The following CNBD1 variants were observed in gnomAD, a reference collection of about 807,000 sequenced individuals.
CNBD1 encodes cyclic nucleotide binding domain containing 1, also known as cyclic nucleotide-binding domain-containing protein 1.
A neutral mutation model predicts 54.4 loss-of-function variants in CNBD1; 71 were observed. The ratio of observed to expected loss-of-function variants is 1.30; its 90% confidence interval spans 1.08 to 1.59. CNBD1 has a LOEUF of 1.59. Among genes scored for constraint, CNBD1 ranks in the 40% most tolerant of loss-of-function variants. The probability of loss-of-function intolerance (pLI) is 0.00; values close to 1 mark genes in which losing one functional copy is unlikely to be tolerated. For missense variants in CNBD1, 659 were observed against 518.0 expected, an observed-to-expected ratio of 1.27 and a Z score of -2.64; for synonymous variants, 182 against 170.7, an observed-to-expected ratio of 1.07 and a Z score of -0.51.
chr8:87,113,088 C>A (rs2943179), intron 4 of CNBD1, among the ~76,000 whole-genome samples: 1 of 152,002 alleles, frequency 6.6e-6, no homozygotes, highest in South Asian at 2.1e-4. Flanking sequence ...ATCTGGGCAT[C>A]GGTCAGTCAT....
chr8:87,129,092 G>GAAAAAAAAAAAAAAAAAAAAAAAAA (rs1554558009), intron 4 of CNBD1, among the ~76,000 whole-genome samples: 1 of 92,734 alleles, frequency 1.1e-5, no homozygotes, highest in Admixed American at 1.4e-4. Context: ...AAAAAAAAAA[G>GAAAAAAAAAAAAAAAAAAAAAAAAA]AATTTTGCTA....
intron 2 of CNBD1, among the ~76,000 whole-genome samples, chr8:86,895,733 C>G (rs1036315224): frequency 6.6e-6 from 1 of 152,100 alleles, no homozygotes; most frequent in Non-Finnish European, 1.5e-5. Context: ...TAATTTCCAC[C>G]TGTATGTCTT....
chr8:87,308,635 G>T (rs1296539574), intron 8 of CNBD1, among the ~76,000 whole-genome samples: 3 of 152,080 alleles, frequency 2.0e-5, no homozygotes, highest in South Asian at 4.1e-4. Flanking sequence ...GAAATATACA[G>T]TATATTGTTG....
intron 4 of CNBD1, among the ~76,000 whole-genome samples, chr8:87,066,425 T>G (rs1000817591): frequency 6.6e-6 from 1 of 151,972 alleles, no homozygotes; most frequent in Non-Finnish European, 1.5e-5. Context: ...GCCACCTTAT[T>G]AATTTTGAAG....
chr8:87,219,931 A>G (rs1014783178), intron 5 of CNBD1, among the ~76,000 whole-genome samples: 1 of 151,992 alleles, frequency 6.6e-6, no homozygotes, highest in Non-Finnish European at 1.5e-5. Context: ...TTACAAGTCT[A>G]AAAAATTCAT....
At chr8:87,103,976 G>T (rs1348499010) in intron 4 of CNBD1, among the ~76,000 whole-genome samples, 1 of 152,108 alleles carries the variant, frequency 6.6e-6, no homozygotes, top group African/African-American at 2.4e-5. Flanking sequence ...TAATTGCTGT[G>T]GGTGCTAGAA....
chr8:87,079,751 A>C (rs1048162918), intron 4 of CNBD1, among the ~76,000 whole-genome samples: 2 of 152,126 alleles, frequency 1.3e-5, no homozygotes, highest in South Asian at 2.1e-4. Flanking sequence ...TATTGCAAAT[A>C]TTTTTCCAAT....
intron 4 of CNBD1, among the ~76,000 whole-genome samples, chr8:87,123,305 A>T (rs1245142864): frequency 6.6e-6 from 1 of 151,822 alleles, no homozygotes; most frequent in Non-Finnish European, 1.5e-5. Flanking sequence ...ATTTAAAAGT[A>T]TTTAAATTAT....
intron 4 of CNBD1, among the ~76,000 whole-genome samples, chr8:87,167,128 A>G (rs1812979114): frequency 6.6e-6 from 1 of 151,970 alleles, no homozygotes; most frequent in Admixed American, 6.6e-5. Flanking sequence ...GTAACCATTA[A>G]CACCTCTGTG....
At chr8:87,155,887 C>T (rs1476307178) in intron 4 of CNBD1, among the ~76,000 whole-genome samples, 1 of 152,086 alleles carries the variant, frequency 6.6e-6, no homozygotes, top group African/African-American at 2.4e-5. Context: ...TATGTACCAG[C>T]ATTACATTAA....
intron 8 of CNBD1, among the ~76,000 whole-genome samples, chr8:87,301,068 C>T (rs936721192): frequency 1.3e-5 from 2 of 152,090 alleles, no homozygotes; most frequent in Non-Finnish European, 1.5e-5. Context: ...CTACTATGAA[C>T]ACCTTTACAT....
chr8:87,248,305 C>T (rs1807847178), intron 6 of CNBD1, among the ~76,000 whole-genome samples: 1 of 152,176 alleles, frequency 6.6e-6, no homozygotes, highest in South Asian at 2.1e-4. Context: ...GAACTTATGC[C>T]ACCTTTTAAA....
chr8:86,936,402 A>G (rs945737254), intron 3 of CNBD1, among the ~76,000 whole-genome samples: 1 of 152,172 alleles, frequency 6.6e-6, no homozygotes, highest in Admixed American at 6.5e-5. Flanking sequence ...TGTATTTTGG[A>G]AAAATCTTAT....
chr8:87,028,051 C>T (rs575658861), intron 4 of CNBD1, among the ~76,000 whole-genome samples: 1 of 152,122 alleles, frequency 6.6e-6, no homozygotes, highest in South Asian at 2.1e-4. Context: ...ACACACACAA[C>T]ACACAACACA....
chr8:87,368,700 C>A (rs76122932), intron 10 of CNBD1, among the ~76,000 whole-genome samples: 2,874 of 152,014 alleles, frequency 0.019, 92 homozygotes, highest in African/African-American at 0.063. Flanking sequence ...GCACCTGCTT[C>A]TATTAGCCAA....
intron 4 of CNBD1, among the ~76,000 whole-genome samples, chr8:87,050,390 A>G (rs1184096223): frequency 6.6e-6 from 1 of 152,184 alleles, no homozygotes. Flanking sequence ...AATTAAGAAG[A>G]GCTTCAGTGC....
intron 8 of CNBD1, among the ~76,000 whole-genome samples, chr8:87,334,172 G>T: frequency 6.6e-6 from 1 of 152,112 alleles, no homozygotes; most frequent in East Asian, 1.9e-4. Context: ...TTTGCATAGA[G>T]GTGTTTATAC....
intron 4 of CNBD1, among the ~76,000 whole-genome samples, chr8:87,103,112 G>A (rs763551459): frequency 6.6e-6 from 1 of 152,134 alleles, no homozygotes; most frequent in Non-Finnish European, 1.5e-5. Flanking sequence ...TAGATTTAAA[G>A]TTTCACCAAA....
intron 10 of CNBD1, among the ~76,000 whole-genome samples, chr8:87,378,748 A>G (rs959083799): frequency 6.6e-6 from 1 of 151,206 alleles, no homozygotes; most frequent in African/African-American, 2.5e-5. Flanking sequence ...CTTGGGCAGT[A>G]TGGACATTTT....
Sources: gnomAD v4.1 joint callset for allele counts (sites outside exome capture counted in the v4.1 genomes callset) on GRCh38, gnomAD v4.1.1 for gene constraint, MANE v1.5 for transcripts, NCBI Gene and HGNC (gene_info 2026-07-23, HGNC 2026-07-21) for gene names.